Variants in SMURF2 observed in about 807,000 individuals in gnomAD.
The protein encoded by SMURF2 is E3 ubiquitin-protein ligase SMURF2.
SMURF2 carries 48 observed loss-of-function variants against 109.6 expected under a neutral mutation model. The observed-to-expected ratio is 0.44, with a 90% CI of 0.35 to 0.56. SMURF2 has a LOEUF of 0.56. Among genes scored for constraint, SMURF2 ranks in the 20% least tolerant of loss-of-function variants. The pLI is 0.01. For missense variants in SMURF2, 575 were observed against 909.0 expected (o/e 0.63, Z 4.72); for synonymous variants, 288 against 317.1 (o/e 0.91, Z 0.97).
chr17:64,565,682 T>C (rs977502478), intron 10 of SMURF2, among the ~76,000 whole-genome samples: 6 of 152,008 alleles, frequency 3.9e-5, no homozygotes, highest in Non-Finnish European at 7.4e-5. Flanking sequence ...TATGCACCTC[T>C]GGACAAGTTC....
chr17:64,662,010 C>G lies in SMURF2; in HGVS notation c.-130G>C. On this transcript the variant is annotated 5_prime_UTR_variant, in exon 1 of 19. Transcript: ENST00000262435. ...CCTCGGCCGCCACGGCCGGAGGGTC[C>G]CGGATGTGCCGAGAGTCGTCGCCAT... The G allele has an allele frequency of 9.0e-7, 1 of 1,113,296 alleles. No individual in the cohort carries two copies. Among genetic ancestry groups the G allele is most frequent in the Non-Finnish European group, 1.1e-6 (1 of 912,564 alleles). 69.0% of individuals were successfully genotyped at this position (1,113,296 alleles called of 1,614,324 possible).
intron 10 of SMURF2, among the ~76,000 whole-genome samples, chr17:64,565,801 A>G (rs1969292375): frequency 6.6e-6 from 1 of 152,118 alleles, no homozygotes; most frequent in African/African-American, 2.4e-5. Context: ...AATAAATATC[A>G]GTTACTATAG....
At chr17:64,660,416 T>G (rs559716651) in intron 1 of SMURF2, among the ~76,000 whole-genome samples, 43 of 152,318 alleles carry the variant, frequency 2.8e-4, no homozygotes, top group African/African-American at 9.1e-4. Flanking sequence ...GGAATACAAG[T>G]ATCCTCCAAT....
rs782162183 is a variant in SMURF2, at chr17:64,621,952, C to CAATAATAAT, written c.53-15321_53-15313dup. Among the ~76,000 whole-genome samples the CAATAATAAT allele has an allele frequency of 2.3e-3, 299 of 130,470 alleles. 1 individual carries two copies. The highest frequency in any genetic ancestry group is 7.3e-3 in the African/African-American group (236 of 32,258). The allele number at this position is 130,470 out of a possible 152,430, so 85.6% of individuals were successfully genotyped here. A position where few individuals can be genotyped will look rare whatever the true frequency, so the allele number is the denominator to read the frequency against. ...AAAGCACTGTAGTGAGCCATCATCG[C>CAATAATAAT]AATAATAATAATAATAATAATAATA... On this transcript the variant is annotated intron_variant, in intron 1 of 18. Coordinates refer to ENST00000262435, the MANE Select transcript of SMURF2 (RefSeq NM_022739.4).
At chr17:64,659,440 C>A (rs1351876166) in intron 1 of SMURF2, among the ~76,000 whole-genome samples, 2 of 151,684 alleles carry the variant, frequency 1.3e-5, no homozygotes, top group Non-Finnish European at 2.9e-5. Context: ...ATTAGGCAAC[C>A]CAGATCTAAA....
chr17:64,621,430 A>C (rs1305240960), intron 1 of SMURF2, among the ~76,000 whole-genome samples: 5 of 151,822 alleles, frequency 3.3e-5, no homozygotes, highest in Admixed American at 6.6e-5. Flanking sequence ...AAATACAAAA[A>C]TTAGCCAGGC....
At chr17:64,572,007 A>G in intron 9 of SMURF2, 51 bp from the exon 10 acceptor site, 8 of 1,508,752 alleles carry the variant, frequency 5.3e-6, no homozygotes, top group Non-Finnish European at 7.2e-6. Flanking sequence ...GCCCTGCTGA[A>G]CCAAGCAAGT....
chr17:64,571,984 T>C, intron 9 of SMURF2, 28 bp from the exon 10 acceptor site: 1 of 1,590,212 alleles, frequency 6.3e-7, no homozygotes, highest in Non-Finnish European at 8.6e-7. Flanking sequence ...AAATAAAAAA[T>C]ACCTCATTGC....
chr17:64,617,065 TAAAAAAAAA>T (rs35408397), intron 1 of SMURF2, among the ~76,000 whole-genome samples: 4 of 48,508 alleles, frequency 8.2e-5, no homozygotes, highest in Non-Finnish European at 1.1e-4. Flanking sequence ...AGACCTTGTC[TAAAAAAAAA>T]AAAAAAAAAA....
At chr17:64,627,566 C>T (rs1431879182) in intron 1 of SMURF2, among the ~76,000 whole-genome samples, 1 of 152,204 alleles carries the variant, frequency 6.6e-6, no homozygotes, top group Non-Finnish European at 1.5e-5. Flanking sequence ...GAACTACACG[C>T]AGACCTCTCC....
At chr17:64,561,890 C>T (rs1969225392) in intron 11 of SMURF2, among the ~76,000 whole-genome samples, 3 of 152,104 alleles carry the variant, frequency 2.0e-5, no homozygotes, top group African/African-American at 7.2e-5. Flanking sequence ...GTCCTAGCTA[C>T]TTGGAAGGCT....
At chr17:64,597,771 A>C (rs1205755764) in intron 3 of SMURF2, among the ~76,000 whole-genome samples, 2 of 96,384 alleles carry the variant, frequency 2.1e-5, no homozygotes, top group African/African-American at 8.9e-5. Context: ...AGACTGTCTC[A>C]AAAAAAAAAA....
At chr17:64,549,935 G>C (rs529280967) in intron 16 of SMURF2, among the ~76,000 whole-genome samples, 2 of 152,258 alleles carry the variant, frequency 1.3e-5, no homozygotes, top group African/African-American at 4.8e-5. Flanking sequence ...ACACCACACT[G>C]AACAGGGAGG....
intron 10 of SMURF2, among the ~76,000 whole-genome samples, chr17:64,569,675 T>G (rs1046772587): frequency 6.6e-6 from 1 of 152,180 alleles, no homozygotes; most frequent in African/African-American, 2.4e-5. Context: ...AGCAAAAATT[T>G]TGAAGTCCAA....
Position 64,585,439 on chromosome 17 carries a change from C to T in SMURF2, c.485+647G>A, listed in dbSNP as rs185628938. Among the ~76,000 whole-genome samples, 1,121 of 152,224 alleles carry T rather than the reference C, an allele frequency of 7.4e-3. 12 individuals carry two copies. Among genetic ancestry groups the T allele is most frequent in the Admixed American group, 0.013 (195 of 15,272 alleles). ...CCTTACCTGAATTATTTCATTTGATCCTCTCAACAGTTTATGAGTATGCTA... is the reference window on the plus strand; with the variant it reads ...CCTTACCTGAATTATTTCATTTGATTCTCTCAACAGTTTATGAGTATGCTA... On this transcript the variant is annotated intron_variant, in intron 6 of 18. Coordinates refer to ENST00000262435, the MANE Select transcript of SMURF2 (RefSeq NM_022739.4).
chr17:64,568,887 A>G (rs1969356000), intron 10 of SMURF2, among the ~76,000 whole-genome samples: 1 of 152,154 alleles, frequency 6.6e-6, no homozygotes, highest in Non-Finnish European at 1.5e-5. Context: ...CTGTAGTCCC[A>G]GCTACTCAGG....
intron 3 of SMURF2, among the ~76,000 whole-genome samples, chr17:64,598,145 G>A (rs1249781296): frequency 6.6e-6 from 1 of 152,068 alleles, no homozygotes; most frequent in Non-Finnish European, 1.5e-5. Flanking sequence ...AAGAGGTGGG[G>A]GATTGCTCTA....
chr17:64,636,461 G>T (rs567144971), intron 1 of SMURF2, among the ~76,000 whole-genome samples: 1 of 152,200 alleles, frequency 6.6e-6, no homozygotes, highest in African/African-American at 2.4e-5. Flanking sequence ...ACATTAGCTG[G>T]ACGTGGTGGC....
chr17:64,661,731 T>C (rs914300000), intron 1 of SMURF2, 98 bp downstream of exon 1: 23 of 855,454 alleles, frequency 2.7e-5, no homozygotes, highest in East Asian at 8.4e-5. Context: ...CCCCAACTCA[T>C]CATTGATCGC....
Sources: gnomAD v4.1 joint callset for allele counts (sites outside exome capture counted in the v4.1 genomes callset) on GRCh38, gnomAD v4.1.1 for gene constraint, MANE v1.5 for transcripts, NCBI Gene and HGNC (gene_info 2026-07-23, HGNC 2026-07-21) for gene names.